The following CEMIP variants were observed in gnomAD, a reference collection of about 807,000 sequenced individuals.
CEMIP encodes cell migration-inducing and hyaluronan-binding protein.
A neutral mutation model predicts 156.9 loss-of-function variants in CEMIP; 105 were observed. The ratio of observed to expected loss-of-function variants is 0.67; its 90% confidence interval spans 0.57 to 0.79. The LOEUF is 0.79. Among genes scored for constraint, CEMIP ranks in the 30% least tolerant of loss-of-function variants. CEMIP has a pLI of 0.00. For synonymous variants in CEMIP, 676 were observed against 668.4 expected (o/e 1.01, Z -0.17); for missense variants, 1,457 against 1,769.4 (o/e 0.82, Z 3.17).
At chr15:80,860,654 A>G (rs547284603) in intron 1 of CEMIP, among the ~76,000 whole-genome samples, 1 of 152,298 alleles carries the variant, frequency 6.6e-6, no homozygotes, top group East Asian at 1.9e-4. Flanking sequence ...AGAGAAAGGC[A>G]TCGTTTCTAC....
intron 1 of CEMIP, among the ~76,000 whole-genome samples, chr15:80,783,504 A>G (rs1276715627): frequency 6.6e-6 from 1 of 152,138 alleles, no homozygotes; most frequent in African/African-American, 2.4e-5. Flanking sequence ...ACTCTCTTGT[A>G]TCTGGTTGGG....
At chr15:80,798,247 G>A (rs536351794) in intron 1 of CEMIP, among the ~76,000 whole-genome samples, 13 of 152,160 alleles carry the variant, frequency 8.5e-5, no homozygotes, top group Admixed American at 4.6e-4. Context: ...TTTACATAAC[G>A]TTGATAGAAT....
intron 23 of CEMIP, among the ~76,000 whole-genome samples, chr15:80,936,343 C>T (rs942398241): frequency 6.6e-6 from 1 of 152,226 alleles, no homozygotes; most frequent in African/African-American, 2.4e-5. Context: ...CTCCCTTCCT[C>T]CTCCGTCCAC....
intron 3 of CEMIP, among the ~76,000 whole-genome samples, chr15:80,877,034 G>T (rs2141819006): frequency 6.6e-6 from 1 of 152,190 alleles, no homozygotes; most frequent in Admixed American, 6.5e-5. Flanking sequence ...ACAGGGCAGT[G>T]GACAAGAGGA....
At chr15:80,879,360 A>G (rs1898567886) in intron 4 of CEMIP, among the ~76,000 whole-genome samples, 1 of 152,224 alleles carries the variant, frequency 6.6e-6, no homozygotes, top group South Asian at 2.1e-4. Context: ...ATACAGTTTG[A>G]CAACTATTTA....
chr15:80,946,356 T>A (rs1025710342), intron 28 of CEMIP: 1 of 155,428 alleles, frequency 6.4e-6, no homozygotes, highest in Non-Finnish European at 1.4e-5. Flanking sequence ...AAAATGCAGA[T>A]TCTGATTCAG....
At chr15:80,819,155 G>T (rs1305091233) in intron 1 of CEMIP, among the ~76,000 whole-genome samples, 2 of 152,204 alleles carry the variant, frequency 1.3e-5, no homozygotes, top group Non-Finnish European at 2.9e-5. Context: ...CACCCAGCTA[G>T]TTCTTTCCAA....
chr15:80,862,908 A>T (rs1898022662), intron 1 of CEMIP, among the ~76,000 whole-genome samples: 1 of 152,174 alleles, frequency 6.6e-6, no homozygotes, highest in African/African-American at 2.4e-5. Context: ...TGGTCTGGGG[A>T]CTGAGGGCAG....
chr15:80,946,811 G>A, intron 28 of CEMIP, 154 bp from the exon 29 acceptor site: 1 of 691,056 alleles, frequency 1.4e-6, no homozygotes. Flanking sequence ...CGTCAGCTCA[G>A]AACACAGGAG....
intron 1 of CEMIP, among the ~76,000 whole-genome samples, chr15:80,809,381 C>G (rs1911631): frequency 0.6 from 91,599 of 152,156 alleles, 30,031 homozygotes; most frequent in East Asian, 0.89. Context: ...GTGAAGTCAG[C>G]ATTTGAATCT....
intron 12 of CEMIP, among the ~76,000 whole-genome samples, chr15:80,902,546 G>A (rs920331348): frequency 3.3e-5 from 5 of 152,302 alleles, no homozygotes; most frequent in Middle Eastern, 3.4e-3. Flanking sequence ...GGTGGCTGCC[G>A]CAGCTAACAG....
At chr15:80,895,712 C>A (rs1441336578) in intron 11 of CEMIP, among the ~76,000 whole-genome samples, 157 bp from the exon 12 acceptor site, 2 of 151,954 alleles carry the variant, frequency 1.3e-5, no homozygotes, top group Non-Finnish European at 2.9e-5. Flanking sequence ...CTTCAAAAAC[C>A]TTTACCAAGA....
intron 1 of CEMIP, among the ~76,000 whole-genome samples, chr15:80,827,110 A>T (rs968865997): frequency 3.3e-5 from 5 of 152,068 alleles, no homozygotes; most frequent in Admixed American, 3.3e-4. Context: ...ACAAATCACT[A>T]CCATGCACAG....
At chr15:80,863,263 C>T (rs1026895647) in intron 1 of CEMIP, among the ~76,000 whole-genome samples, 1 of 152,060 alleles carries the variant, frequency 6.6e-6, no homozygotes, top group African/African-American at 2.4e-5. Context: ...CAAAATACAC[C>T]CACCTGTTTT....
intron 23 of CEMIP, among the ~76,000 whole-genome samples, chr15:80,934,239 GATCAA>G (rs1290066174): frequency 6.6e-6 from 1 of 152,126 alleles, no homozygotes; most frequent in Non-Finnish European, 1.5e-5. Context: ...AATGTGTAAT[GATCAA>G]ATCAGGGTAA....
intron 1 of CEMIP, among the ~76,000 whole-genome samples, chr15:80,804,813 A>G (rs1176711837): frequency 1.3e-5 from 2 of 152,200 alleles, no homozygotes; most frequent in African/African-American, 4.8e-5. Context: ...AGTTCTTGTC[A>G]TAGTACTTGA....
At chr15:80,881,159 C>T (rs1317708049) in intron 6 of CEMIP, 23 bp downstream of exon 6, 13 of 1,587,606 alleles carry the variant, frequency 8.2e-6, no homozygotes, top group Middle Eastern at 1.7e-4. Flanking sequence ...TTCACTTAAA[C>T]GTATACTCAT....
chr15:80,897,957 A>T (rs2141865282), intron 12 of CEMIP, among the ~76,000 whole-genome samples: 1 of 152,370 alleles, frequency 6.6e-6, no homozygotes, highest in South Asian at 2.1e-4. Context: ...CTCAGCTGTG[A>T]GCCACTGAGG....
intron 3 of CEMIP, among the ~76,000 whole-genome samples, chr15:80,876,291 C>A (rs1898474782): frequency 6.6e-6 from 1 of 152,194 alleles, no homozygotes; most frequent in African/African-American, 2.4e-5. Context: ...GAGATAAAAC[C>A]AGCAGTGGGT....
Sources: allele counts gnomAD v4.1 joint callset (sites outside exome capture counted in the v4.1 genomes callset), GRCh38; gene constraint gnomAD v4.1.1; transcripts MANE v1.5; gene names NCBI Gene and HGNC (gene_info 2026-07-23, HGNC 2026-07-21).